TAB2: variants seen among roughly 807,000 people sequenced by gnomAD.
TAB2 encodes TGF-beta activated kinase 1 (MAP3K7) binding protein 2.
In TAB2, 3 loss-of-function variants were observed where a neutral mutation model predicts 65.0. That is an observed-to-expected ratio of 0.05 (90% CI 0.02 to 0.12). The LOEUF (loss-of-function observed/expected upper bound fraction) is 0.12, where lower values mean the gene tolerates loss of function less well. TAB2 is among the 10% of genes least tolerant of loss of function. The pLI, the probability that TAB2 is intolerant of heterozygous loss-of-function variation, is 1.00. For synonymous variants in TAB2, 298 were observed against 285.1 expected (o/e 1.05, Z -0.46); for missense variants, 623 against 840.3 (o/e 0.74, Z 3.20).
At chr6:149,329,206 A>C in intron 1 of TAB2, among the ~76,000 whole-genome samples, 1 of 152,222 alleles carries the variant, frequency 6.6e-6, no homozygotes, top group East Asian at 1.9e-4. Flanking sequence ...TGTAGTGCAC[A>C]AAATACCTTA....
intron 1 of TAB2, among the ~76,000 whole-genome samples, chr6:149,230,342 C>T (rs1270793522): frequency 1.3e-5 from 2 of 152,218 alleles, no homozygotes; most frequent in Non-Finnish European, 2.9e-5. Flanking sequence ...CTTCCCTCTG[C>T]ACTCATCTTA....
intron 1 of TAB2, among the ~76,000 whole-genome samples, chr6:149,308,583 A>G (rs1779111085): frequency 6.6e-6 from 1 of 151,842 alleles, no homozygotes; most frequent in African/African-American, 2.4e-5. Flanking sequence ...GCTGGAGTGC[A>G]GTGGCACAAT....
At chr6:149,248,378 C>T (rs946403977) in intron 1 of TAB2, among the ~76,000 whole-genome samples, 4 of 126,956 alleles carry the variant, frequency 3.2e-5, no homozygotes, top group Admixed American at 9.2e-5. Context: ...AGCGACAGAG[C>T]GAGACTATGT....
At chr6:149,263,800 A>G (rs1167638994) in intron 1 of TAB2, among the ~76,000 whole-genome samples, 2 of 152,238 alleles carry the variant, frequency 1.3e-5, no homozygotes, top group East Asian at 1.9e-4. Context: ...ATTGGCGCCC[A>G]GGAGGTCTCC....
chr6:149,403,643 C>A (rs946953204), intron 6 of TAB2, among the ~76,000 whole-genome samples: 2 of 151,846 alleles, frequency 1.3e-5, no homozygotes, highest in African/African-American at 4.8e-5. Flanking sequence ...GTCACCGATA[C>A]CCACATGCTT....
At chr6:149,373,150 G>T (rs1781285235) in intron 2 of TAB2, among the ~76,000 whole-genome samples, 1 of 152,014 alleles carries the variant, frequency 6.6e-6, no homozygotes, top group Admixed American at 6.5e-5. Context: ...ATAACCAGCA[G>T]GTGTAATTTA....
At chr6:149,347,462 C>T (rs1429419325) in intron 1 of TAB2, among the ~76,000 whole-genome samples, 1 of 152,154 alleles carries the variant, frequency 6.6e-6, no homozygotes, top group Admixed American at 6.5e-5. Context: ...TAATCATTTG[C>T]TCCCTTTAAA....
At chr6:149,286,725 A>G (rs1778682509) in intron 1 of TAB2, among the ~76,000 whole-genome samples, 1 of 152,220 alleles carries the variant, frequency 6.6e-6, no homozygotes, top group East Asian at 1.9e-4. Context: ...TATGATTTCA[A>G]TATACGTTGG....
chr6:149,379,968 G>A, intron 3 of TAB2: 1 of 450,658 alleles, frequency 2.2e-6, no homozygotes, highest in Non-Finnish European at 4.5e-6. Flanking sequence ...GGCTGGGCAT[G>A]GTGGCTCACG....
intron 1 of TAB2, among the ~76,000 whole-genome samples, chr6:149,345,140 T>C (rs531738310): frequency 8.5e-5 from 13 of 152,224 alleles, no homozygotes; most frequent in Admixed American, 7.2e-4. Flanking sequence ...TCAGTTTGAG[T>C]GCTTGCATAA....
chr6:149,271,105 G>A (rs1778354179), intron 1 of TAB2, among the ~76,000 whole-genome samples: 1 of 151,944 alleles, frequency 6.6e-6, no homozygotes, highest in African/African-American at 2.4e-5. Flanking sequence ...CTACTTGGGA[G>A]GCTTAGGTAA....
At chr6:149,224,418 C>T (rs537623111) in intron 1 of TAB2, among the ~76,000 whole-genome samples, 32 of 152,324 alleles carry the variant, frequency 2.1e-4, no homozygotes, top group African/African-American at 7.5e-4. Flanking sequence ...TCAAATGGCA[C>T]GGATTTTTCC....
intron 1 of TAB2, among the ~76,000 whole-genome samples, chr6:149,338,596 A>G (rs915677426): frequency 2.0e-5 from 3 of 152,234 alleles, no homozygotes; most frequent in African/African-American, 2.4e-5. Flanking sequence ...ATGAAACAAC[A>G]TATTTTTGCT....
At chr6:149,337,756 A>G (rs1274627604) in intron 1 of TAB2, among the ~76,000 whole-genome samples, 1 of 152,214 alleles carries the variant, frequency 6.6e-6, no homozygotes, top group African/African-American at 2.4e-5. Flanking sequence ...TATATAGGAA[A>G]CTTTCTTAAT....
chr6:149,360,630 CT>C (rs1332643545), intron 1 of TAB2, among the ~76,000 whole-genome samples: 2 of 152,146 alleles, frequency 1.3e-5, no homozygotes, highest in African/African-American at 2.4e-5. Context: ...TATTCCGCCC[CT>C]GCCTCTCAAA....
chr6:149,345,085 C>T (rs1229509836), intron 1 of TAB2, among the ~76,000 whole-genome samples: 1 of 152,016 alleles, frequency 6.6e-6, no homozygotes, highest in Non-Finnish European at 1.5e-5. Flanking sequence ...TACCTCTTTC[C>T]TTTAATTAAT....
At chr6:149,347,075 A>G (rs2114794410) in intron 1 of TAB2, 1 of 152,364 alleles carries the variant, frequency 6.6e-6, no homozygotes, top group Middle Eastern at 3.4e-3. Context: ...ATAATGAGGT[A>G]TGAATTATAA....
intron 1 of TAB2, among the ~76,000 whole-genome samples, chr6:149,293,140 A>G (rs1168360812): frequency 2.2e-4 from 33 of 152,226 alleles, no homozygotes; most frequent in Non-Finnish European, 2.9e-5. Context: ...CAATAATGGC[A>G]ATACATTAGA....
At chr6:149,234,998 T>C (rs1407606067) in intron 1 of TAB2, among the ~76,000 whole-genome samples, 1 of 151,720 alleles carries the variant, frequency 6.6e-6, no homozygotes, top group Non-Finnish European at 1.5e-5. Flanking sequence ...ATTGCAAAAA[T>C]ACAAGATGAG....
Sources: allele counts gnomAD v4.1 joint callset (sites outside exome capture counted in the v4.1 genomes callset), GRCh38; gene constraint gnomAD v4.1.1; transcripts MANE v1.5; gene names NCBI Gene and HGNC (gene_info 2026-07-23, HGNC 2026-07-21).